Variants in WWP1 observed in about 807,000 individuals in gnomAD.
WWP1 encodes NEDD4-like E3 ubiquitin-protein ligase WWP1.
WWP1 carries 49 observed loss-of-function variants against 130.6 expected under a neutral mutation model. The observed-to-expected ratio is 0.38, with a 90% CI of 0.30 to 0.48. The LOEUF (loss-of-function observed/expected upper bound fraction) is 0.48, where lower values mean the gene tolerates loss of function less well. Among genes scored for constraint, WWP1 ranks in the 20% least tolerant of loss-of-function variants. WWP1 has a pLI of 0.99. For synonymous variants in WWP1, 332 were observed against 367.8 expected (o/e 0.90, Z 1.11); for missense variants, 809 against 1,100.6 (o/e 0.74, Z 3.75).
At chr8:86,450,545 A>G (rs776158254) in intron 20 of WWP1, among the ~76,000 whole-genome samples, 1 of 152,224 alleles carries the variant, frequency 6.6e-6, no homozygotes, top group East Asian at 1.9e-4. Context: ...AGTCTAAATA[A>G]AATTTCACTA....
chr8:86,442,947 A>T (rs1810671129), intron 18 of WWP1, among the ~76,000 whole-genome samples, 169 bp downstream of exon 18: 1 of 152,144 alleles, frequency 6.6e-6, no homozygotes, highest in Non-Finnish European at 1.5e-5. Context: ...ACCTGTATAA[A>T]ATCAAGATTA....
intron 9 of WWP1, among the ~76,000 whole-genome samples, chr8:86,415,833 A>G (rs1413756961): frequency 3.3e-5 from 5 of 152,160 alleles, no homozygotes; most frequent in Non-Finnish European, 7.4e-5. Flanking sequence ...ACACAGTGTT[A>G]TTATCTGTTG....
intron 8 of WWP1, among the ~76,000 whole-genome samples, chr8:86,408,104 T>G (rs1295744046): frequency 6.6e-6 from 1 of 152,184 alleles, no homozygotes; most frequent in African/African-American, 2.4e-5. Flanking sequence ...GGCTCTATAG[T>G]TTTGTCCTTT....
chr8:86,423,676 C>T (rs1298191715), intron 9 of WWP1, among the ~76,000 whole-genome samples: 2 of 152,200 alleles, frequency 1.3e-5, no homozygotes, highest in African/African-American at 4.8e-5. Context: ...CCCACATTTC[C>T]CCCTTTTCTA....
chr8:86,351,167 G>C (rs567418736), intron 1 of WWP1, among the ~76,000 whole-genome samples: 1 of 152,314 alleles, frequency 6.6e-6, no homozygotes, highest in Admixed American at 6.5e-5. Context: ...TTATAAAGCA[G>C]AAAGCATGGT....
At chr8:86,347,598 G>A (rs375419539) in intron 1 of WWP1, among the ~76,000 whole-genome samples, 45 of 152,228 alleles carry the variant, frequency 3.0e-4, no homozygotes, top group African/African-American at 9.4e-4. Context: ...AGTGGCTATT[G>A]GTAGGTGATA....
At chr8:86,382,294 C>T (rs1029279084) in intron 5 of WWP1, among the ~76,000 whole-genome samples, 1 of 152,074 alleles carries the variant, frequency 6.6e-6, no homozygotes, top group Non-Finnish European at 1.5e-5. Context: ...TATTTGTAAA[C>T]CTCCTATCAT....
intron 2 of WWP1, among the ~76,000 whole-genome samples, chr8:86,371,296 A>C (rs370585491): frequency 1.3e-3 from 195 of 152,084 alleles, no homozygotes; most frequent in African/African-American, 4.5e-3. Context: ...GTATTTTTCA[A>C]TTTTTTTGTT....
At chr8:86,426,348 T>C (rs1229367560) in intron 10 of WWP1, among the ~76,000 whole-genome samples, 1 of 152,244 alleles carries the variant, frequency 6.6e-6, no homozygotes, top group African/African-American at 2.4e-5. Flanking sequence ...GTGACCCCAT[T>C]GTATTTTTAG....
rs1386829533 is a variant in WWP1 at position 86,467,742 on chromosome 8, T to C, written c.*849T>C. 1.3e-5 allele frequency: 2 copies of C among 152,198 alleles called. No individual in the cohort carries two copies. Among genetic ancestry groups the C allele is most frequent in the African/African-American group, 4.8e-5 (2 of 41,464 alleles). 9.4% of individuals were successfully genotyped at this position (152,198 alleles called of 1,614,324 possible). On this transcript the variant is annotated 3_prime_UTR_variant, in exon 25 of 25. Coordinates refer to ENST00000517970, the MANE Select transcript of WWP1 (RefSeq NM_007013.4). The stretch of plus-strand genomic sequence containing the variant: ...TTCATAATAAATTGATGCAATTTCA[T>C]ACTTAGGAACATACAAAAGGTAATG...
At chr8:86,361,978 A>G (rs58085374) in intron 1 of WWP1, among the ~76,000 whole-genome samples, 7,695 of 105,130 alleles carry the variant, frequency 0.073, 373 homozygotes, top group African/African-American at 0.14. Context: ...GTGTGTGTAT[A>G]TATATATATA....
At chr8:86,409,295 G>T (rs188399772) in intron 8 of WWP1, among the ~76,000 whole-genome samples, 3 of 135,902 alleles carry the variant, frequency 2.2e-5, no homozygotes, top group South Asian at 2.3e-4. Flanking sequence ...GTACAGTGGC[G>T]TGATCCTGGC....
intron 9 of WWP1, among the ~76,000 whole-genome samples, chr8:86,413,682 G>T (rs1808713333): frequency 6.6e-6 from 1 of 152,140 alleles, no homozygotes; most frequent in African/African-American, 2.4e-5. Context: ...GCTGAACCCA[G>T]GAATTATTAT....
intron 3 of WWP1, among the ~76,000 whole-genome samples, chr8:86,377,740 T>C (rs1319149152): frequency 6.6e-6 from 1 of 152,190 alleles, no homozygotes; most frequent in Non-Finnish European, 1.5e-5. Context: ...TTTTAGACTT[T>C]CAACAGGAAA....
At chr8:86,361,349 T>C (rs56280479) in intron 1 of WWP1, among the ~76,000 whole-genome samples, 19,658 of 152,154 alleles carry the variant, frequency 0.13, 3,389 homozygotes, top group African/African-American at 0.4. Flanking sequence ...TAGATTCTGC[T>C]CCTCAATACC....
chr8:86,442,804 T>C (rs952084610), intron 18 of WWP1, 26 bp downstream of exon 18: 1 of 1,563,516 alleles, frequency 6.4e-7, no homozygotes, highest in African/African-American at 1.4e-5. Flanking sequence ...TATTATTATT[T>C]ATTTAAGTTT....
intron 1 of WWP1, among the ~76,000 whole-genome samples, chr8:86,358,242 G>T (rs770874760): frequency 7.9e-5 from 12 of 152,074 alleles, no homozygotes; most frequent in Non-Finnish European, 1.8e-4. Context: ...GGTGAGCATG[G>T]ACTTGAATCT....
At position 86,408,497 on chromosome 8, in the gene WWP1, C is replaced by G. The variant is rs75083131; in HGVS notation, c.725-3041C>G. Among the ~76,000 whole-genome samples, 467 of 152,292 alleles carry G rather than the reference C, an allele frequency of 3.1e-3. 2 individuals carry two copies. The highest frequency in any genetic ancestry group is 0.011 in the African/African-American group (445 of 41,550). On this transcript the variant is annotated intron_variant, in intron 8 of 24. Transcript: ENST00000517970. ...AATGAGAATTCCTAGTGCTTTGCATCTCACCAACATTTGCATTTCAAGGAG... is the reference window on the plus strand; with the variant it reads ...AATGAGAATTCCTAGTGCTTTGCATGTCACCAACATTTGCATTTCAAGGAG...
chr8:86,394,403 T>A (rs1807533452), intron 5 of WWP1, among the ~76,000 whole-genome samples: 1 of 152,214 alleles, frequency 6.6e-6, no homozygotes, highest in African/African-American at 2.4e-5. Flanking sequence ...GTTTAAATGT[T>A]TTTTAAGCAC....
Sources: gnomAD v4.1 joint callset for allele counts (sites outside exome capture counted in the v4.1 genomes callset) on GRCh38, gnomAD v4.1.1 for gene constraint, MANE v1.5 for transcripts, NCBI Gene and HGNC (gene_info 2026-07-23, HGNC 2026-07-21) for gene names.